TRAPPC12: variants seen among roughly 807,000 people sequenced by gnomAD.
The protein encoded by TRAPPC12 is TPR repeat protein 15.
TRAPPC12 carries 61 observed loss-of-function variants against 69.2 expected under a neutral mutation model. The ratio of observed to expected loss-of-function variants is 0.88; its 90% CI spans 0.72 to 1.09. The LOEUF (loss-of-function observed/expected upper bound fraction) is 1.09, where lower values mean the gene tolerates loss of function less well. TRAPPC12 is among the 50% of genes least tolerant of loss of function. The pLI is 0.00. For synonymous variants in TRAPPC12, 469 were observed against 438.9 expected (o/e 1.07, Z -0.86); for missense variants, 1,101 against 1,016.4 (o/e 1.08, Z -1.13).
intron 6 of TRAPPC12, chr2:3,455,121 C>G (rs1665072942): frequency 6.6e-6 from 1 of 152,290 alleles, no homozygotes; most frequent in African/African-American, 2.4e-5. Context: ...AGGGCGCTGT[C>G]AGGTCTGGTT....
intron 9 of TRAPPC12, among the ~76,000 whole-genome samples, chr2:3,466,642 C>T (rs1665825823): frequency 2.6e-5 from 4 of 152,182 alleles, no homozygotes; most frequent in Admixed American, 2.6e-4. Flanking sequence ...GTGCACACAC[C>T]ATCTCCTGCA....
chr2:3,475,701 G>C (rs1355572233), intron 9 of TRAPPC12, among the ~76,000 whole-genome samples: 2 of 152,168 alleles, frequency 1.3e-5, no homozygotes, highest in Non-Finnish European at 2.9e-5. Flanking sequence ...CAGTGCGGAG[G>C]ATCAGCACAC....
chr2:3,412,115 C>T (rs1329920598), intron 3 of TRAPPC12, among the ~76,000 whole-genome samples: 1 of 152,116 alleles, frequency 6.6e-6, no homozygotes, highest in East Asian at 1.9e-4. Context: ...GTCTGTTCCA[C>T]AATTTTTTTG....
chr2:3,382,928 AAAT>A (rs1448876146), intron 1 of TRAPPC12, among the ~76,000 whole-genome samples: 10 of 152,346 alleles, frequency 6.6e-5, no homozygotes, highest in African/African-American at 1.9e-4. Flanking sequence ...ATGTCTCATA[AAAT>A]AATAATACTA....
rs554976522 is a variant in TRAPPC12 at position 3,458,518 on chromosome 2, GTGTA to G, written c.1603+829_1603+832del. 1.9e-5 allele frequency: 17 copies of G among 918,486 alleles called. No individual in the cohort carries two copies. The East Asian group carries it at 1.5e-3, about 82-fold the overall frequency. The allele number at this position is 918,486 out of a possible 1,614,324, so 56.9% of individuals were successfully genotyped here. On this transcript the variant is annotated intron_variant, in intron 7 of 11. Transcript: ENST00000324266. ...GGTGTGAGCTGAACGTGTGTGAGGT[GTGTA>G]TGTGTGTGGTGTGTGGATGTTGGGT...
At chr2:3,455,344 A>G (rs983757804) in intron 6 of TRAPPC12, 4 of 152,212 alleles carry the variant, frequency 2.6e-5, no homozygotes, top group African/African-American at 9.7e-5. Context: ...CCATCCCCTC[A>G]AGCATTGATC....
At position 3,388,663 on chromosome 2, in the gene TRAPPC12, A is replaced by G. The variant is rs200831716; in HGVS notation, c.1040A>G (p.Asn347Ser). 2.0e-4 allele frequency: 309 copies of G among 1,556,684 alleles called. No individual in the cohort carries two copies. Among genetic ancestry groups the G allele is most frequent in the Non-Finnish European group, 2.6e-4 (303 of 1,148,636 alleles). The change falls in exon 2 of 12, where the codon AAC becomes AGC. Residue 347 changes from asparagine (N) to serine (S), a missense_variant. Physicochemically the swap from Asn to Ser is conservative, Grantham distance 46 (BLOSUM62 1). Transcript: ENST00000324266. Reference protein sequence around the residue: ...NLTMPGLRFDNIQGDAVKDLM... With the variant: ...NLTMPGLRFDSIQGDAVKDLM... Reference sequence around the variant, plus strand: ...ACCATGCCGGGCCTCAGGTTCGACAACATCCAGGTGAGCCCGGGTCTCCCA... The same window carrying G: ...ACCATGCCGGGCCTCAGGTTCGACAGCATCCAGGTGAGCCCGGGTCTCCCA...
intron 1 of TRAPPC12, among the ~76,000 whole-genome samples, chr2:3,383,970 A>G (rs1298398355): frequency 7.6e-6 from 1 of 131,068 alleles, no homozygotes; most frequent in African/African-American, 2.9e-5. Context: ...ATCTCGGCTC[A>G]CTGCAACCTC....
intron 3 of TRAPPC12, among the ~76,000 whole-genome samples, chr2:3,408,143 T>A (rs1326402628): frequency 6.6e-6 from 1 of 152,018 alleles, no homozygotes; most frequent in African/African-American, 2.4e-5. Flanking sequence ...AAAATAAACC[T>A]CCAAACACGT....
At chr2:3,476,014 C>T (rs571110952) in intron 9 of TRAPPC12, among the ~76,000 whole-genome samples, 3 of 152,326 alleles carry the variant, frequency 2.0e-5, no homozygotes, top group South Asian at 2.1e-4. Flanking sequence ...GGCCGCGTCA[C>T]GGAGCCCATG....
intron 5 of TRAPPC12, among the ~76,000 whole-genome samples, chr2:3,438,233 TC>T (rs1298112872): frequency 3.1e-5 from 2 of 64,082 alleles, no homozygotes; most frequent in Non-Finnish European, 5.8e-5. Context: ...CCTGGATTCA[TC>T]CCCCCATCAG....
intron 9 of TRAPPC12, among the ~76,000 whole-genome samples, chr2:3,475,933 G>A (rs1012794045): frequency 3.3e-5 from 5 of 152,204 alleles, no homozygotes; most frequent in Non-Finnish European, 7.3e-5. Flanking sequence ...CTTGATGATG[G>A]GCTGTAATCA....
intron 10 of TRAPPC12, 80 bp from the exon 11 acceptor site, chr2:3,478,766 C>A: frequency 7.8e-7 from 1 of 1,281,924 alleles, no homozygotes; most frequent in Non-Finnish European, 1.1e-6. Flanking sequence ...TCTGTGGGAT[C>A]CAAAGCCCCT....
chr2:3,397,470 T>C (rs12622886), intron 2 of TRAPPC12, among the ~76,000 whole-genome samples: 17,347 of 152,144 alleles, frequency 0.11, 1,020 homozygotes, highest in South Asian at 0.14. Flanking sequence ...TCTGGGCTTG[T>C]CAGCTCACAG....
intron 5 of TRAPPC12, among the ~76,000 whole-genome samples, chr2:3,436,698 T>C (rs1315508683): frequency 6.6e-6 from 1 of 151,844 alleles, no homozygotes; most frequent in Non-Finnish European, 1.5e-5. Context: ...CCGAATAGTT[T>C]CACTGCCCTG....
At position 3,478,144 on chromosome 2, in the gene TRAPPC12, TGGTGTTCTGTGTCTG is replaced by T. The variant is rs1315204209; in HGVS notation, c.1877+351_1877+365del. On this transcript the variant is annotated intron_variant, in intron 10 of 11. Transcript: ENST00000324266. The stretch of plus-strand genomic sequence containing the variant: ...TGTTCTGTGTCTGGATCCCGTGCTC[TGGTGTTCTGTGTCTG>T]GATCCCGTGCTCTGGTGTTCTGTGG... The T allele has an allele frequency of 5.8e-3, 1,037 of 177,450 alleles. 11 individuals are homozygous for T. The highest frequency in any genetic ancestry group is 0.023 in the African/African-American group (990 of 42,436). The allele number at this position is 177,450 out of a possible 1,614,324, so 11.0% of individuals were successfully genotyped here.
intron 5 of TRAPPC12, among the ~76,000 whole-genome samples, chr2:3,433,036 T>TGTTTG (rs980150041): frequency 6.6e-6 from 1 of 151,496 alleles, no homozygotes; most frequent in African/African-American, 2.5e-5. Flanking sequence ...ACTGTTTTTG[T>TGTTTG]GTTTGGTTTG....
rs140848807 is a variant in TRAPPC12 at position 3,402,316 on chromosome 2, G to A, written c.1164+423G>A. ...GTAGGTTTTTAAAATTCATGGCTGGGCGCAGTGGCTCACACCTGTAATCCC... is the reference window on the plus strand; with the variant it reads ...GTAGGTTTTTAAAATTCATGGCTGGACGCAGTGGCTCACACCTGTAATCCC... On this transcript the variant is annotated intron_variant, in intron 3 of 11. Transcript: ENST00000324266. Among the ~76,000 whole-genome samples, 90 of 152,316 alleles carry A rather than the reference G, an allele frequency of 5.9e-4. 1 individual carries two copies. The highest frequency in any genetic ancestry group is 2.0e-3 in the African/African-American group (83 of 41,566).
intron 2 of TRAPPC12, among the ~76,000 whole-genome samples, chr2:3,400,671 CG>C (rs1470619604): frequency 6.6e-6 from 1 of 152,174 alleles, no homozygotes; most frequent in Non-Finnish European, 1.5e-5. Context: ...GACTCTCCCT[CG>C]GCCTGCGGTG....
Sources: gnomAD v4.1 joint callset for allele counts (sites outside exome capture counted in the v4.1 genomes callset) on GRCh38, gnomAD v4.1.1 for gene constraint, MANE v1.5 for transcripts, NCBI Gene and HGNC (gene_info 2026-07-23, HGNC 2026-07-21) for gene names.